Variants in DNER observed in about 807,000 individuals in gnomAD.
DNER encodes delta and Notch-like epidermal growth factor-related receptor.
A neutral mutation model predicts 78.2 loss-of-function variants in DNER; 33 were observed. That is an observed-to-expected ratio of 0.42 (90% CI 0.32 to 0.56). The LOEUF (loss-of-function observed/expected upper bound fraction) is 0.56. Among genes scored for constraint, DNER ranks in the 20% least tolerant of loss-of-function variants. The pLI, the probability that DNER is intolerant of heterozygous loss-of-function variation, is 0.11. For missense variants in DNER, 918 were observed against 975.3 expected (o/e 0.94, Z 0.78); for synonymous variants, 417 against 384.8 (o/e 1.08, Z -0.98).
At chr2:229,370,265 T>A (rs77227432) in intron 11 of DNER, among the ~76,000 whole-genome samples, 2,883 of 152,240 alleles carry the variant, frequency 0.019, 44 homozygotes, top group Non-Finnish European at 0.03. Flanking sequence ...CACGTGCCCA[T>A]CCTGGATGCT....
intron 7 of DNER, among the ~76,000 whole-genome samples, chr2:229,461,583 T>C (rs1694702879): frequency 6.6e-6 from 1 of 151,946 alleles, no homozygotes; most frequent in Non-Finnish European, 1.5e-5. Flanking sequence ...TACTGCTACG[T>C]AGAATGATGT....
chr2:229,559,408 A>G (rs2154213567), intron 4 of DNER, among the ~76,000 whole-genome samples: 1 of 152,292 alleles, frequency 6.6e-6, no homozygotes, highest in Non-Finnish European at 1.5e-5. Flanking sequence ...ATCATACTAG[A>G]AAAATCAACT....
chr2:229,571,939 C>T (rs1697225068), intron 4 of DNER, among the ~76,000 whole-genome samples: 1 of 152,100 alleles, frequency 6.6e-6, no homozygotes. Flanking sequence ...GTTATATCTC[C>T]ACCACAGCCA....
At position 229,357,990 on chromosome 2, in the gene DNER, T is replaced by C. The variant is rs1341988935; in HGVS notation, c.*550A>G. On this transcript the variant is annotated 3_prime_UTR_variant, in exon 13 of 13. Transcript: ENST00000341772. Reference sequence around the variant, plus strand: ...AACTCGAAAGAATGTTTCCACAAAGTTCAACAAAACAGTGCAGAAATAAGT... The same window carrying C: ...AACTCGAAAGAATGTTTCCACAAAGCTCAACAAAACAGTGCAGAAATAAGT... 4 of 152,602 alleles carry C rather than the reference T, an allele frequency of 2.6e-5. No individual in the cohort carries two copies. Among genetic ancestry groups the C allele is most frequent in the Non-Finnish European group, 5.9e-5 (4 of 68,048 alleles). The allele number at this position is 152,602 out of a possible 1,614,324, so 9.5% of individuals were successfully genotyped here.
chr2:229,660,718 G>C (rs188903795), intron 1 of DNER, among the ~76,000 whole-genome samples: 1 of 152,062 alleles, frequency 6.6e-6, no homozygotes, highest in East Asian at 1.9e-4. Flanking sequence ...GCTATACCCT[G>C]GTATCATTAG....
chr2:229,686,590 C>T (rs569084752), intron 1 of DNER, among the ~76,000 whole-genome samples: 2 of 152,272 alleles, frequency 1.3e-5, no homozygotes, highest in Non-Finnish European at 2.9e-5. Context: ...CGCACCCCAT[C>T]TCTGACCTAT....
chr2:229,517,124 A>G lies in DNER; in HGVS notation c.994-4188T>C, dbSNP rs540912686. ...GACTCCGTCTCAAAAAAAAAAAAAAAAAAGAAAAAAAATTAATAAAAGGAA... is the reference window on the plus strand; with the variant it reads ...GACTCCGTCTCAAAAAAAAAAAAAAGAAAGAAAAAAAATTAATAAAAGGAA... On this transcript the variant is annotated intron_variant, in intron 5 of 12. Transcript: ENST00000341772. Among the ~76,000 whole-genome samples the G allele has an allele frequency of 5.9e-5, 9 of 151,648 alleles. No individual in the cohort carries two copies. In the South Asian group the frequency reaches 8.3e-4, roughly 14 times the overall value.
chr2:229,411,954 T>C (rs1427293518), intron 9 of DNER, among the ~76,000 whole-genome samples: 1 of 152,202 alleles, frequency 6.6e-6, no homozygotes, highest in East Asian at 1.9e-4. Context: ...TGAGTAATTA[T>C]GAATTTTCTC....
chr2:229,384,271 G>A (rs956043388), intron 11 of DNER, among the ~76,000 whole-genome samples: 2 of 152,166 alleles, frequency 1.3e-5, no homozygotes, highest in Admixed American at 6.5e-5. Flanking sequence ...GTGTTTAGAG[G>A]GAAATTTATA....
chr2:229,658,136 T>C (rs1698943416), intron 1 of DNER, among the ~76,000 whole-genome samples: 1 of 152,218 alleles, frequency 6.6e-6, no homozygotes, highest in South Asian at 2.1e-4. Flanking sequence ...CGGGGTCATA[T>C]TACCTTAATT....
chr2:229,622,530 G>A (rs1251341988), intron 1 of DNER, among the ~76,000 whole-genome samples: 1 of 152,152 alleles, frequency 6.6e-6, no homozygotes, highest in Non-Finnish European at 1.5e-5. Flanking sequence ...CGGGAATGCA[G>A]AGTAACCTCC....
In DNER at chr2:229,441,269, T is replaced by A. The variant is rs566852280; in HGVS notation, c.1486+6047A>T. Reference sequence around the variant, plus strand: ...CTATTGTTCAGAATTTTATATGAACTATTGTTCATATAAAAATTCAATCAA... The same window carrying A: ...CTATTGTTCAGAATTTTATATGAACAATTGTTCATATAAAAATTCAATCAA... On this transcript the variant is annotated intron_variant, in intron 8 of 12. Transcript: ENST00000341772. 2.3e-3 allele frequency among the ~76,000 whole-genome samples: 347 copies of A among 150,990 alleles called. 2 individuals are homozygous for A. The highest frequency in any genetic ancestry group is 4.2e-3 in the Non-Finnish European group (283 of 67,172).
At chr2:229,628,575 C>G (rs1293618960) in intron 1 of DNER, among the ~76,000 whole-genome samples, 2 of 152,052 alleles carry the variant, frequency 1.3e-5, no homozygotes, top group African/African-American at 4.8e-5. Flanking sequence ...CAGAAATAAC[C>G]AGAGCTGCTC....
At chr2:229,640,400 C>T (rs1698596586) in intron 1 of DNER, among the ~76,000 whole-genome samples, 1 of 151,684 alleles carries the variant, frequency 6.6e-6, no homozygotes, top group South Asian at 2.1e-4. Context: ...AAAACATTAT[C>T]ATCAGATGAT....
chr2:229,700,203 T>C (rs1188260530), intron 1 of DNER, among the ~76,000 whole-genome samples: 1 of 152,122 alleles, frequency 6.6e-6, no homozygotes, highest in Admixed American at 6.6e-5. Flanking sequence ...TCAGTAAATT[T>C]GCAAAATTCT....
rs567594358 is a variant in DNER, at chr2:229,564,369, C to G, written c.848-17277G>C. On this transcript the variant is annotated intron_variant, in intron 4 of 12. Coordinates refer to ENST00000341772, the MANE Select transcript of DNER (RefSeq NM_139072.4). ...ATCATCATCATCCTCACCCCATCACCATCATCATCATCATCACCCCATCAC... is the reference window on the plus strand; with the variant it reads ...ATCATCATCATCCTCACCCCATCACGATCATCATCATCATCACCCCATCAC... Among the ~76,000 whole-genome samples the G allele has an allele frequency of 1.5e-4, 22 of 148,042 alleles. 2 individuals are homozygous for G. Among genetic ancestry groups the G allele is most frequent in the African/African-American group, 5.2e-4 (21 of 40,040 alleles).
At chr2:229,524,371 A>G (rs1384138196) in intron 5 of DNER, among the ~76,000 whole-genome samples, 1 of 152,224 alleles carries the variant, frequency 6.6e-6, no homozygotes, top group East Asian at 1.9e-4. Context: ...CAAAGATGCT[A>G]TTATTTATGT....
At position 229,591,897 on chromosome 2, in the gene DNER, A is replaced by G; in HGVS notation, c.277-9T>C. ...CAAGGATCTGCAACAAGCTGAAACG[A>G]GACCATAAATGGGTCAATTATTCCC... On this transcript the variant is annotated splice_polypyrimidine_tract_variant and intron_variant, in intron 1 of 12. Coordinates refer to ENST00000341772, the MANE Select transcript of DNER (RefSeq NM_139072.4). The surrounding 1 kb of genome is among the most constrained non-coding windows in gnomAD (Gnocchi z 4.6). 1 of 1,535,576 alleles carries G rather than the reference A, an allele frequency of 6.5e-7. No individual in the cohort carries two copies. The highest frequency in any genetic ancestry group is 8.7e-7 in the Non-Finnish European group (1 of 1,143,746).
intron 1 of DNER, among the ~76,000 whole-genome samples, chr2:229,665,552 A>T (rs574414717): frequency 6.6e-6 from 1 of 152,192 alleles, no homozygotes; most frequent in Non-Finnish European, 1.5e-5. Context: ...ACAGTGTCAT[A>T]AAAAAACTAA....
Sources: allele counts gnomAD v4.1 joint callset (sites outside exome capture counted in the v4.1 genomes callset), GRCh38; gene constraint gnomAD v4.1.1; non-coding constraint Gnocchi (gnomAD v3.1); transcripts MANE v1.5; gene names NCBI Gene and HGNC (gene_info 2026-07-23, HGNC 2026-07-21).